EARS2: variants seen among roughly 807,000 people sequenced by gnomAD.
EARS2 encodes nondiscriminating glutamyl-tRNA synthetase EARS2, mitochondrial.
A neutral mutation model predicts 54.1 loss-of-function variants in EARS2; 50 were observed. That is an observed-to-expected ratio of 0.92 (90% CI 0.74 to 1.17). The LOEUF (loss-of-function observed/expected upper bound fraction) is 1.17, where lower values mean the gene tolerates loss of function less well. EARS2 is among the 50% of genes most tolerant of loss of function. EARS2 has a pLI of 0.00. For synonymous variants in EARS2, 298 were observed against 281.0 expected, an observed-to-expected ratio of 1.06 and a Z score of -0.61; for missense variants, 673 against 675.0, an observed-to-expected ratio of 1.00 and a Z score of 0.03.
At chr16:23,525,027 T>C in intron 8 of EARS2, 1 of 628,936 alleles carries the variant, frequency 1.6e-6, no homozygotes, top group Non-Finnish European at 2.8e-6. Flanking sequence ...AGATTATGTA[T>C]GTGTGTTTAA....
intron 3 of EARS2, 77 bp downstream of exon 3, chr16:23,544,437 G>C: frequency 3.5e-6 from 5 of 1,409,738 alleles, no homozygotes; most frequent in Non-Finnish European, 4.8e-6. Flanking sequence ...ACATGTTTAG[G>C]GGAATTTCTT....
intron 3 of EARS2, among the ~76,000 whole-genome samples, chr16:23,536,085 C>G (rs1269093830): frequency 1.3e-5 from 2 of 152,186 alleles, no homozygotes; most frequent in African/African-American, 4.8e-5. Flanking sequence ...TAGCATCAGC[C>G]TCTTGGGAGT....
At chr16:23,552,117 C>T (rs1965705465) in intron 2 of EARS2, 32 bp downstream of exon 2, 1 of 1,604,448 alleles carries the variant, frequency 6.2e-7, no homozygotes, top group African/African-American at 1.3e-5. Context: ...TGTTCCTTCC[C>T]TGCAGAAAGA....
At chr16:23,541,888 T>C (rs1414867810) in intron 3 of EARS2, among the ~76,000 whole-genome samples, 1 of 151,718 alleles carries the variant, frequency 6.6e-6, no homozygotes, top group Non-Finnish European at 1.5e-5. Flanking sequence ...AGATGGAGTC[T>C]TGCTCTGTTG....
At position 23,543,698 on chromosome 16, in the gene EARS2, G is replaced by A. The variant is rs541037614; in HGVS notation, c.485+816C>T. 2.9e-3 allele frequency among the ~76,000 whole-genome samples: 422 copies of A among 145,576 alleles called. 1 individual carries two copies. Among genetic ancestry groups the A allele is most frequent in the Non-Finnish European group, 4.7e-3 (316 of 67,010 alleles). On this transcript the variant is annotated intron_variant, in intron 3 of 8. Transcript: ENST00000449606. Reference sequence around the variant, plus strand: ...CAGTGAGCCAAGATTGCACCACTGCGCTCCAGCCTGGGCGACAGAGTGAGA... The same window carrying A: ...CAGTGAGCCAAGATTGCACCACTGCACTCCAGCCTGGGCGACAGAGTGAGA...
At chr16:23,538,224 T>C (rs1965457353) in intron 3 of EARS2, among the ~76,000 whole-genome samples, 1 of 152,106 alleles carries the variant, frequency 6.6e-6, no homozygotes, top group Non-Finnish European at 1.5e-5. Context: ...CAGGCTGGAG[T>C]GCAGCGGCGT....
chr16:23,534,435 T>C (rs996651807), intron 4 of EARS2, among the ~76,000 whole-genome samples: 9 of 152,042 alleles, frequency 5.9e-5, no homozygotes, highest in Admixed American at 2.0e-4. Flanking sequence ...GGCAGTAAAA[T>C]GAAGAAGGAA....
At chr16:23,532,058 C>A (rs547005065) in intron 5 of EARS2, among the ~76,000 whole-genome samples, 2 of 152,292 alleles carry the variant, frequency 1.3e-5, no homozygotes, top group Admixed American at 6.5e-5. Context: ...GGTGATCTGC[C>A]AACCTTGGCC....
At chr16:23,544,754 A>C in intron 2 of EARS2, 51 bp from the exon 3 acceptor site, 4 of 1,483,256 alleles carry the variant, frequency 2.7e-6, no homozygotes, top group South Asian at 1.2e-5. Context: ...GCTCGTTCTC[A>C]GGCATTGCTC....
At chr16:23,530,815 G>A (rs1418977618) in intron 5 of EARS2, among the ~76,000 whole-genome samples, 3 of 152,092 alleles carry the variant, frequency 2.0e-5, no homozygotes, top group South Asian at 2.1e-4. Context: ...GTCTGAGGCT[G>A]CAGTGAACCG....
chr16:23,541,068 A>G (rs1343072649), intron 3 of EARS2, among the ~76,000 whole-genome samples: 1 of 152,130 alleles, frequency 6.6e-6, no homozygotes, highest in Non-Finnish European at 1.5e-5. Flanking sequence ...TAATCCCAGC[A>G]CTTTGGGAGG....
intron 2 of EARS2, among the ~76,000 whole-genome samples, chr16:23,551,776 C>T (rs1476749194): frequency 6.6e-6 from 1 of 152,068 alleles, no homozygotes; most frequent in African/African-American, 2.4e-5. Flanking sequence ...AAAAACTTAG[C>T]CGGGCGTGGT....
chr16:23,536,069 G>T (rs867648262), intron 3 of EARS2, among the ~76,000 whole-genome samples: 1 of 152,158 alleles, frequency 6.6e-6, no homozygotes, highest in Non-Finnish European at 1.5e-5. Flanking sequence ...GTGGTCTGTG[G>T]GCCCCTAGCA....
At chr16:23,554,521 C>T (rs1367593587) in intron 1 of EARS2, among the ~76,000 whole-genome samples, 1 of 152,144 alleles carries the variant, frequency 6.6e-6, no homozygotes, top group Non-Finnish European at 1.5e-5. Flanking sequence ...CCTAAGTCTC[C>T]ACAATGAGCT....
intron 2 of EARS2, among the ~76,000 whole-genome samples, chr16:23,548,220 C>T (rs28698925): frequency 0.085 from 12,346 of 145,148 alleles, 906 homozygotes; most frequent in African/African-American, 0.2. Context: ...GGCGACAGAG[C>T]GAGACTCCAT....
chr16:23,529,799 T>C lies in EARS2; in HGVS notation c.1166A>G (p.Gln389Arg), dbSNP rs995011496. 1.2e-6 allele frequency: 2 copies of C among 1,614,018 alleles called. No homozygotes were observed. Among genetic ancestry groups the C allele is most frequent in the Admixed American group, 1.7e-5 (1 of 59,990 alleles). ...LVEEAFGCQLQNRDVLNPVYV... is the reference protein window; with the variant it reads ...LVEEAFGCQLRNRDVLNPVYV... ...GACTGGGTTGAGGACATCCCTGTTT[T>C]GCAGCTGGCAACCAAAGGCCTCCTC... Residue 389 changes from glutamine to arginine, a missense_variant, in exon 6 of 9, where the codon CAA (glutamine) becomes CGA (arginine). Gln to Arg is a conservative substitution (Grantham distance 43). Transcript: ENST00000449606.
chr16:23,554,269 T>C (rs1046750537), intron 1 of EARS2, among the ~76,000 whole-genome samples: 1 of 151,996 alleles, frequency 6.6e-6, no homozygotes, highest in Non-Finnish European at 1.5e-5. Context: ...ATCCTTACAC[T>C]TCAGCCTCCC....
upstream of EARS2, chr16:23,557,373 C>G (rs534870260): frequency 4.6e-6 from 7 of 1,536,100 alleles, no homozygotes; most frequent in South Asian, 1.2e-5. Context: ...GTGGGCTTCT[C>G]CCTGCGTCAC....
rs751207870 is a variant in EARS2, at chr16:23,544,640, C to T, written c.359G>A (p.Arg120Gln). 8.7e-6 allele frequency: 14 copies of T among 1,611,836 alleles called. No individual in the cohort carries two copies. The highest frequency in any genetic ancestry group is 1.1e-5 in the South Asian group (1 of 90,642). ...TGTGGCCTGGGCATACAGCTCCAAC[C>T]GCTGAGATTGCTGGTAGGGCCCAGC... ...GPAGPYQQSQ[R>Q]LELYAQATEA... The change falls in exon 3 of 9, where the codon CGG becomes CAG. Residue 120 changes from arginine (R) to glutamine (Q), a missense_variant. Physicochemically the swap from Arg to Gln is conservative, Grantham distance 43. Transcript: ENST00000449606.
Sources: gnomAD v4.1 joint callset for allele counts (sites outside exome capture counted in the v4.1 genomes callset) on GRCh38, gnomAD v4.1.1 for gene constraint, MANE v1.5 for transcripts, NCBI Gene and HGNC (gene_info 2026-07-23, HGNC 2026-07-21) for gene names.